The following SLC30A9 variants were observed in gnomAD, a reference collection of about 807,000 sequenced individuals.
The protein encoded by SLC30A9 is solute carrier family 30 member 9.
In SLC30A9, 58 loss-of-function variants were observed where a neutral mutation model predicts 87.5. The ratio of observed to expected loss-of-function variants is 0.66; its 90% CI spans 0.54 to 0.82. The LOEUF is 0.82. SLC30A9 is among the 40% of genes least tolerant of loss of function. The pLI, the probability that SLC30A9 is intolerant of heterozygous loss-of-function variation, is 0.00. For synonymous variants in SLC30A9, 234 were observed against 233.0 expected, an observed-to-expected ratio of 1.00 and a Z score of -0.04; for missense variants, 557 against 679.1, an observed-to-expected ratio of 0.82 and a Z score of 2.00.
chr4:42,037,267 TTTTTTTG>T (rs1716720827), intron 7 of SLC30A9, among the ~76,000 whole-genome samples: 3 of 115,578 alleles, frequency 2.6e-5, no homozygotes, highest in Non-Finnish European at 5.1e-5. Context: ...TTTTTTTTTT[TTTTTTTG>T]TTATTTCTGA....
chr4:42,066,517 TC>T, intron 12 of SLC30A9, 32 bp from the exon 13 acceptor site: 1 of 1,454,286 alleles, frequency 6.9e-7, no homozygotes, highest in Non-Finnish European at 9.5e-7. Context: ...GCATGAAGTT[TC>T]TGTCTTGCTG....
chr4:42,075,706 T>C lies in SLC30A9; in HGVS notation c.1468T>C (p.Phe490Leu). 1 of 1,613,786 alleles carries C rather than the reference T, an allele frequency of 6.2e-7. No homozygotes were observed. Among genetic ancestry groups the C allele is most frequent in the Non-Finnish European group, 8.5e-7 (1 of 1,179,806 alleles). ...AGATCTGGGATTAGGTAAAGTAAGA[T>C]TTAAGGCAGAAGTAGATTTTGATGG... ...ATDLGLGKVR[F>L]KAEVDFDGRV... Residue 490 changes from phenylalanine (F) to leucine (L), a missense_variant, in exon 16 of 18, where the codon TTT becomes CTT. Physicochemically the swap from Phe to Leu is conservative, Grantham distance 22. Transcript: ENST00000264451.
At chr4:42,077,508 A>C (rs774840596) in intron 16 of SLC30A9, among the ~76,000 whole-genome samples, 14 of 152,074 alleles carry the variant, frequency 9.2e-5, no homozygotes, top group Non-Finnish European at 1.6e-4. Flanking sequence ...AGGTTCAAGC[A>C]ATTATCTACC....
At position 42,018,148 on chromosome 4, in the gene SLC30A9, G is replaced by C; in HGVS notation, c.312G>C (p.Lys104Asn). 6.4e-7 allele frequency: 1 copy of C among 1,568,344 alleles called. No homozygotes were observed. Among genetic ancestry groups the C allele is most frequent in the South Asian group, 1.1e-5 (1 of 88,776 alleles). ...GIGTELKAPL[K>N]QEPLQVRVKA... The stretch of plus-strand genomic sequence containing the variant: ...GCACAGAACTCAAAGCTCCACTTAA[G>C]CAAGAACCTCTCCAAGTAAGAGGTA... Residue 104 changes from lysine (K) to asparagine (N), a missense_variant, in exon 3 of 18, where the codon AAG becomes AAC. Around this residue, in one of 2 missense-constraint regions of SLC30A9, gnomAD observed 467 missense variants for 529.8 expected, o/e 0.88. Transcript: ENST00000264451.
intron 6 of SLC30A9, among the ~76,000 whole-genome samples, chr4:42,030,287 A>T (rs1716369905): frequency 6.6e-6 from 1 of 152,228 alleles, no homozygotes. Flanking sequence ...AATGTAATTA[A>T]TGTAAACTAA....
chr4:42,042,038 G>A (rs1341688922), intron 8 of SLC30A9, among the ~76,000 whole-genome samples: 2 of 152,190 alleles, frequency 1.3e-5, no homozygotes, highest in South Asian at 2.1e-4. Context: ...CAGATACTAC[G>A]CTTTTCCCAT....
intron 7 of SLC30A9, among the ~76,000 whole-genome samples, chr4:42,037,594 C>T (rs1716738102): frequency 6.6e-6 from 1 of 152,030 alleles, no homozygotes; most frequent in South Asian, 2.1e-4. Context: ...GTAGTTCTCT[C>T]TGAAATCTAT....
At chr4:42,029,084 G>A (rs190040787) in intron 6 of SLC30A9, 259 of 243,046 alleles carry the variant, frequency 1.1e-3, no homozygotes, top group Admixed American at 3.2e-3. Flanking sequence ...ATCCGCAGTG[G>A]CAGTGGTGTG....
intron 2 of SLC30A9, among the ~76,000 whole-genome samples, chr4:42,004,254 C>A (rs1161275389): frequency 6.6e-6 from 1 of 152,056 alleles, no homozygotes; most frequent in African/African-American, 2.4e-5. Flanking sequence ...AAGTCTTTTT[C>A]TTTGGTATAA....
At chr4:41,997,459 AT>A (rs894064192) in intron 1 of SLC30A9, among the ~76,000 whole-genome samples, 8 of 151,530 alleles carry the variant, frequency 5.3e-5, no homozygotes, top group Non-Finnish European at 8.8e-5. Context: ...TATTATGGGC[AT>A]TTTTTTTAAT....
At chr4:42,010,250 A>G (rs1423327978) in intron 2 of SLC30A9, among the ~76,000 whole-genome samples, 3 of 152,144 alleles carry the variant, frequency 2.0e-5, no homozygotes, top group African/African-American at 7.2e-5. Context: ...AAGGTGAAGG[A>G]TCCCTTGAGG....
intron 15 of SLC30A9, among the ~76,000 whole-genome samples, chr4:42,073,336 C>T (rs1718391767): frequency 1.3e-5 from 2 of 152,098 alleles, no homozygotes; most frequent in Non-Finnish European, 2.9e-5. Flanking sequence ...TAAAAAAGAG[C>T]TATAAACTGA....
chr4:42,007,608 G>A (rs564242810), intron 2 of SLC30A9, among the ~76,000 whole-genome samples: 4 of 27,308 alleles, frequency 1.5e-4, no homozygotes, highest in South Asian at 8.6e-3. Context: ...AAAATTAGCC[G>A]GAGCCGGGCA....
At chr4:42,040,620 AC>A (rs1716881805) in intron 8 of SLC30A9, among the ~76,000 whole-genome samples, 2 of 151,802 alleles carry the variant, frequency 1.3e-5, no homozygotes, top group East Asian at 3.9e-4. Flanking sequence ...ACACGGTGAA[AC>A]CCCGTCTCTA....
At chr4:42,066,262 TG>T (rs1256544075) in intron 12 of SLC30A9, among the ~76,000 whole-genome samples, 7 of 152,306 alleles carry the variant, frequency 4.6e-5, no homozygotes, top group African/African-American at 1.7e-4. Context: ...TTCAAAAGAT[TG>T]GGAGGCTCAG....
chr4:42,080,211 G>A (rs1366750479), intron 17 of SLC30A9, among the ~76,000 whole-genome samples: 7 of 152,186 alleles, frequency 4.6e-5, no homozygotes, highest in Non-Finnish European at 7.4e-5. Context: ...TGTGAAGGTA[G>A]GGGGCACAGT....
chr4:42,051,359 A>G (rs376964610), intron 9 of SLC30A9, among the ~76,000 whole-genome samples: 2 of 152,198 alleles, frequency 1.3e-5, no homozygotes, highest in East Asian at 1.9e-4. Flanking sequence ...TAACATTCAC[A>G]GTGTTTAGCA....
intron 17 of SLC30A9, among the ~76,000 whole-genome samples, chr4:42,080,135 ACT>A (rs986324666): frequency 6.6e-6 from 1 of 152,052 alleles, no homozygotes; most frequent in African/African-American, 2.4e-5. Context: ...TAATTGTGAT[ACT>A]CTCTTTTGGT....
chr4:42,018,171 G>T lies in SLC30A9; in HGVS notation c.334+1G>T. On this transcript the variant is annotated splice_donor_variant, in intron 3 of 17. Coordinates refer to ENST00000264451, the MANE Select transcript of SLC30A9 (RefSeq NM_006345.4). LOFTEE classifies it high-confidence loss of function. The stretch of plus-strand genomic sequence containing the variant: ...AAGCAAGAACCTCTCCAAGTAAGAG[G>T]TAAATATATTTTATCCTATTTTTGT... 2.0e-6 allele frequency: 3 copies of T among 1,506,870 alleles called. No homozygotes were observed. Among genetic ancestry groups the T allele is most frequent in the Non-Finnish European group, 2.8e-6 (3 of 1,088,284 alleles). 93.3% of individuals were successfully genotyped at this position (1,506,870 alleles called of 1,614,324 possible). A position where few individuals can be genotyped will look rare whatever the true frequency, so the allele number is the denominator to read the frequency against.
Sources: allele counts gnomAD v4.1 joint callset (sites outside exome capture counted in the v4.1 genomes callset), GRCh38; gene constraint gnomAD v4.1.1; regional missense constraint gnomAD v4.1.1; transcripts MANE v1.5; gene names NCBI Gene and HGNC (gene_info 2026-07-23, HGNC 2026-07-21).